Variants in GRM5 observed in about 807,000 individuals in gnomAD.
GRM5 encodes the protein metabotropic glutamate receptor 5.
In GRM5, 19 loss-of-function variants were observed where a neutral mutation model predicts 83.1. The observed-to-expected ratio is 0.23, with a 90% confidence interval of 0.16 to 0.34. The LOEUF (loss-of-function observed/expected upper bound fraction) is 0.34, where lower values mean the gene tolerates loss of function less well. Ranked by LOEUF, GRM5 falls within the 10% of genes least tolerant of loss-of-function variation. The pLI, the probability that GRM5 is intolerant of heterozygous loss-of-function variation, is 1.00. For missense variants in GRM5, 1,160 were observed against 1,588.3 expected, an observed-to-expected ratio of 0.73 and a Z score of 4.58; for synonymous variants, 675 against 633.6, an observed-to-expected ratio of 1.07 and a Z score of -0.98.
intron 2 of GRM5, among the ~76,000 whole-genome samples, chr11:88,862,244 T>G (rs1042983112): frequency 6.6e-6 from 1 of 152,230 alleles, no homozygotes; most frequent in African/African-American, 2.4e-5. Context: ...ACCTTTTTTA[T>G]GTAAATTTGT....
At chr11:88,911,763 G>A (rs1186500175) in intron 2 of GRM5, among the ~76,000 whole-genome samples, 1 of 152,068 alleles carries the variant, frequency 6.6e-6, no homozygotes, top group Non-Finnish European at 1.5e-5. Context: ...AGATGAGGGG[G>A]AAGTAAATTA....
At chr11:88,696,295 T>G (rs897606377) in intron 3 of GRM5, among the ~76,000 whole-genome samples, 1 of 152,098 alleles carries the variant, frequency 6.6e-6, no homozygotes, top group Non-Finnish European at 1.5e-5. Context: ...ACTGCTTGTG[T>G]CTGTGCCTGC....
chr11:88,899,761 T>C (rs963881813), intron 2 of GRM5, among the ~76,000 whole-genome samples: 4 of 152,064 alleles, frequency 2.6e-5, no homozygotes, highest in African/African-American at 4.8e-5. Context: ...TTTACATCTT[T>C]TAAGAAAAGT....
At chr11:88,912,529 A>T (rs369323936) in intron 2 of GRM5, among the ~76,000 whole-genome samples, 1 of 108,002 alleles carries the variant, frequency 9.3e-6, no homozygotes, top group African/African-American at 3.7e-5. Flanking sequence ...ATATGCATGC[A>T]TGTGTATGTG....
At chr11:88,733,590 C>G (rs1344760488) in intron 3 of GRM5, among the ~76,000 whole-genome samples, 1 of 151,882 alleles carries the variant, frequency 6.6e-6, no homozygotes, top group African/African-American at 2.4e-5. Flanking sequence ...AAATTGCAAG[C>G]TATTATTTAA....
At chr11:88,893,184 A>G (rs960101459) in intron 2 of GRM5, among the ~76,000 whole-genome samples, 3 of 151,880 alleles carry the variant, frequency 2.0e-5, no homozygotes, top group Admixed American at 6.6e-5. Flanking sequence ...TGAAAGTTTT[A>G]CTATCACTGA....
At chr11:88,933,909 T>C (rs930439107) in intron 2 of GRM5, among the ~76,000 whole-genome samples, 2 of 151,828 alleles carry the variant, frequency 1.3e-5, no homozygotes, top group Non-Finnish European at 2.9e-5. Flanking sequence ...GAAGGAAATA[T>C]AAAAGTGAAC....
intron 3 of GRM5, among the ~76,000 whole-genome samples, chr11:88,845,334 G>T (rs1230376409): frequency 2.1e-5 from 3 of 140,954 alleles, no homozygotes; most frequent in African/African-American, 2.7e-5. Flanking sequence ...TTTTTTTTTA[G>T]CAATAAAGTA....
intron 7 of GRM5, among the ~76,000 whole-genome samples, chr11:88,570,534 C>CA (rs961624881): frequency 8.0e-6 from 1 of 125,096 alleles, no homozygotes. Context: ...GCTGTTTTAC[C>CA]AAAAAAAGTA....
At chr11:88,734,283 C>G (rs1226882811) in intron 3 of GRM5, among the ~76,000 whole-genome samples, 1 of 151,994 alleles carries the variant, frequency 6.6e-6, no homozygotes, top group East Asian at 1.9e-4. Flanking sequence ...ATCAAAACTA[C>G]AATAAGATAT....
intron 2 of GRM5, among the ~76,000 whole-genome samples, chr11:88,907,232 G>T (rs901952053): frequency 6.6e-6 from 1 of 152,092 alleles, no homozygotes; most frequent in Non-Finnish European, 1.5e-5. Flanking sequence ...CAGCCCTGTG[G>T]ATGTTAGCTA....
intron 4 of GRM5, among the ~76,000 whole-genome samples, chr11:88,611,623 C>G (rs537538595): frequency 6.6e-6 from 1 of 152,202 alleles, no homozygotes; most frequent in South Asian, 2.1e-4. Context: ...ATTAACCTAG[C>G]TAGCAGCCTA....
chr11:88,836,535 T>C (rs957202601), intron 3 of GRM5, among the ~76,000 whole-genome samples: 4 of 152,162 alleles, frequency 2.6e-5, no homozygotes, highest in Admixed American at 2.6e-4. Context: ...CGCGGTGGCT[T>C]ATGCCTGTAA....
At chr11:88,832,153 G>A (rs1384782887) in intron 3 of GRM5, among the ~76,000 whole-genome samples, 1 of 151,992 alleles carries the variant, frequency 6.6e-6, no homozygotes, top group Non-Finnish European at 1.5e-5. Context: ...CACACTCAGA[G>A]CCAAAGTGCC....
At chr11:88,971,666 T>A (rs1018000502) in intron 2 of GRM5, among the ~76,000 whole-genome samples, 9 of 152,164 alleles carry the variant, frequency 5.9e-5, no homozygotes, top group Admixed American at 1.3e-4. Flanking sequence ...CCACTTTTTT[T>A]AAAATCCAGT....
chr11:88,900,971 T>C (rs1268030186), intron 2 of GRM5, among the ~76,000 whole-genome samples: 1 of 152,186 alleles, frequency 6.6e-6, no homozygotes, highest in African/African-American at 2.4e-5. Context: ...TTTGAAGTGA[T>C]CTCTGTAAAT....
chr11:88,605,000 C>A, intron 4 of GRM5, 36 bp from the exon 5 acceptor site: 1 of 1,558,586 alleles, frequency 6.4e-7, no homozygotes, highest in Non-Finnish European at 8.8e-7. Flanking sequence ...CTTTGAGGTA[C>A]AAATCTACTC....
intron 4 of GRM5, among the ~76,000 whole-genome samples, chr11:88,640,716 C>T (rs541649111): frequency 9.2e-5 from 14 of 152,278 alleles, no homozygotes; most frequent in Middle Eastern, 3.4e-3. Flanking sequence ...TAGAAACTTA[C>T]ATTTACCAGT....
At chr11:88,893,818 T>C (rs1301806131) in intron 2 of GRM5, among the ~76,000 whole-genome samples, 1 of 151,664 alleles carries the variant, frequency 6.6e-6, no homozygotes, top group Non-Finnish European at 1.5e-5. Flanking sequence ...CCAGAAAGAG[T>C]CATCATCCAA....
Sources: gnomAD v4.1 joint callset for allele counts (sites outside exome capture counted in the v4.1 genomes callset) on GRCh38, gnomAD v4.1.1 for gene constraint, MANE v1.5 for transcripts, NCBI Gene and HGNC (gene_info 2026-07-23, HGNC 2026-07-21) for gene names.